DGKD: variants seen among roughly 807,000 people sequenced by gnomAD.
DGKD encodes diacylglycerol kinase delta.
In DGKD, 68 loss-of-function variants were observed where a neutral mutation model predicts 154.4. The observed-to-expected ratio is 0.44, with a 90% CI of 0.36 to 0.54. The LOEUF is 0.54. DGKD is among the 20% of genes least tolerant of loss of function. DGKD has a pLI of 0.00. For missense variants in DGKD, 1,343 were observed against 1,593.6 expected (o/e 0.84, Z 2.68); for synonymous variants, 693 against 638.0 (o/e 1.09, Z -1.30).
intron 1 of DGKD, among the ~76,000 whole-genome samples, chr2:233,378,902 G>A (rs1164526259): frequency 2.0e-5 from 3 of 152,172 alleles, no homozygotes; most frequent in East Asian, 1.9e-4. Context: ...CAAAACAAGC[G>A]CACCTGTAGT....
chr2:233,431,521 C>G (rs1380013562), intron 3 of DGKD, among the ~76,000 whole-genome samples: 1 of 152,102 alleles, frequency 6.6e-6, no homozygotes, highest in Non-Finnish European at 1.5e-5. Context: ...CCCAGAATAG[C>G]CAAAATTCTC....
chr2:233,455,952 A>T (rs76920040), intron 19 of DGKD, among the ~76,000 whole-genome samples: 3,962 of 152,342 alleles, frequency 0.026, 167 homozygotes, highest in African/African-American at 0.091. Flanking sequence ...AGATCATTTA[A>T]AAATCCCTGT....
chr2:233,469,611 G>A lies in DGKD; in HGVS notation c.*151G>A, dbSNP rs931098760. 5 of 649,108 alleles carry A rather than the reference G, an allele frequency of 7.7e-6. No individual in the cohort carries two copies. In the Admixed American group the frequency reaches 1.3e-4, roughly 17 times the overall value. The allele number at this position is 649,108 out of a possible 1,614,324, so 40.2% of individuals were successfully genotyped here. ...TCTCATGGTGCTACTTCCTCTGTCA[G>A]CTACAGAAAGCCTCCGTGACACCGT... On this transcript the variant is annotated 3_prime_UTR_variant, in exon 30 of 30. Coordinates refer to ENST00000264057, the MANE Select transcript of DGKD (RefSeq NM_152879.3).
At chr2:233,384,227 C>T (rs1048243151) in intron 1 of DGKD, among the ~76,000 whole-genome samples, 4 of 152,152 alleles carry the variant, frequency 2.6e-5, no homozygotes, top group Non-Finnish European at 5.9e-5. Flanking sequence ...GTGGCTGCTT[C>T]CTTTATCCTC....
At chr2:233,370,672 C>T (rs1486170065) in intron 1 of DGKD, among the ~76,000 whole-genome samples, 6 of 145,936 alleles carry the variant, frequency 4.1e-5, no homozygotes, top group African/African-American at 1.3e-4. Context: ...TGGGTTGCTT[C>T]TACCTTTTGA....
At chr2:233,462,004 T>G (rs1375146524) in intron 24 of DGKD, among the ~76,000 whole-genome samples, 1 of 152,244 alleles carries the variant, frequency 6.6e-6, no homozygotes, top group Admixed American at 6.5e-5. Context: ...CTGTGGGGAT[T>G]GTGCCTTACT....
intron 24 of DGKD, among the ~76,000 whole-genome samples, chr2:233,461,041 A>C (rs2063617979): frequency 6.7e-6 from 1 of 149,982 alleles, no homozygotes; most frequent in Non-Finnish European, 1.5e-5. Flanking sequence ...AAAAAAGACA[A>C]CTGCTGGGGC....
In DGKD at chr2:233,441,946, G is replaced by A. The variant is rs763327145; in HGVS notation, c.1145G>A (p.Ser382Asn). 6.2e-7 allele frequency: 1 copy of A among 1,613,894 alleles called. No homozygotes were observed. Among genetic ancestry groups the A allele is most frequent in the Non-Finnish European group, 8.5e-7 (1 of 1,179,920 alleles). Residue 382 changes from serine to asparagine, a missense_variant, in exon 10 of 30, where the codon AGT becomes AAT. This residue lies in a region of DGKD where 56 missense variants were observed against 111.1 expected (regional missense o/e 0.50). Coordinates refer to ENST00000264057, the MANE Select transcript of DGKD (RefSeq NM_152879.3). This position sits in a 1 kb window ranked among gnomAD's most constrained non-coding sequence, Gnocchi z 5.6. ...FRILVCGGDG[S>N]VGWVLSEIDS... ...ATTCTGGTTTGTGGCGGGGATGGAA[G>A]TGTTGGCTGGGTCCTCTCCGAAATC...
At position 233,466,179 on chromosome 2, in the gene DGKD, C is replaced by A. The variant is rs916650846; in HGVS notation, c.3307-907C>A. On this transcript the variant is annotated intron_variant, in intron 27 of 29. Transcript: ENST00000264057. The stretch of plus-strand genomic sequence containing the variant: ...TTGAAATGTACTGAGGTGAGACTTG[C>A]CCAATAGGTGGTTTTTGTAAATGTA... Among the ~76,000 whole-genome samples, 6 of 151,080 alleles carry A rather than the reference C, an allele frequency of 4.0e-5. No homozygotes were observed. In the East Asian group the frequency reaches 9.6e-4, roughly 24 times the overall value.
In DGKD at chr2:233,458,355, CG is replaced by C; in HGVS notation, c.2653del (p.Val885SerfsTer18). The C allele has an allele frequency of 6.2e-7, 1 of 1,611,904 alleles. No homozygotes were observed. Among genetic ancestry groups the C allele is most frequent in the Non-Finnish European group, 8.5e-7 (1 of 1,179,906 alleles). On this transcript the variant is annotated frameshift_variant, in exon 22 of 30. Transcript: ENST00000264057. LOFTEE classifies it high-confidence loss of function. This position sits in a 1 kb window ranked among gnomAD's most constrained non-coding sequence, Gnocchi z 6.6. The stretch of plus-strand genomic sequence containing the variant: ...CCGTGTTCGGCAGCATGCAGATGGC[CG>C]TCTCTCGAGTCATCAGGCTACAGCA... ...VAVFGSMQMA[V>X]SRVIRLQHHR...
Position 233,446,707 on chromosome 2 carries a change from T to C in DGKD, c.1335-5T>C, listed in dbSNP as rs1051350759. 1.9e-6 allele frequency: 3 copies of C among 1,613,382 alleles called. No homozygotes were observed. Among genetic ancestry groups the C allele is most frequent in the Admixed American group, 1.7e-5 (1 of 59,978 alleles). On this transcript the variant is annotated splice_polypyrimidine_tract_variant and splice_region_variant and intron_variant, in intron 11 of 29. Coordinates refer to ENST00000264057, the MANE Select transcript of DGKD (RefSeq NM_152879.3). ...CCGCCTGTGCAGCTGACCTTGTGTG[T>C]GCAGGTGGAGCGTCATGGCATACGA... is the stretch of plus-strand genomic sequence containing the variant.
intron 1 of DGKD, among the ~76,000 whole-genome samples, chr2:233,358,311 G>A (rs1258604087): frequency 6.6e-6 from 1 of 152,200 alleles, no homozygotes; most frequent in Non-Finnish European, 1.5e-5. Flanking sequence ...TTTCTAGAAA[G>A]TTAACATTTT....
chr2:233,386,889 C>G (rs144445264), intron 1 of DGKD, among the ~76,000 whole-genome samples: 1 of 152,290 alleles, frequency 6.6e-6, no homozygotes, highest in East Asian at 1.9e-4. Flanking sequence ...TCCCCCCAAC[C>G]CAGGAAGGGC....
chr2:233,436,063 T>A, intron 6 of DGKD, 139 bp downstream of exon 6: 1 of 1,066,916 alleles, frequency 9.4e-7, no homozygotes, highest in Non-Finnish European at 1.3e-6. Flanking sequence ...ACAGTGGAAA[T>A]TATATGCGGT....
intron 16 of DGKD, 53 bp downstream of exon 16, chr2:233,450,184 A>C: frequency 6.5e-7 from 1 of 1,529,014 alleles, no homozygotes; most frequent in Non-Finnish European, 8.8e-7. Context: ...GGTTTTGGTG[A>C]GACGTAGCGG....
chr2:233,420,435 C>T (rs532412237), intron 3 of DGKD, among the ~76,000 whole-genome samples: 1 of 152,338 alleles, frequency 6.6e-6, no homozygotes, highest in South Asian at 2.1e-4. Flanking sequence ...AACAGAGGCA[C>T]TTGGAATTCT....
intron 10 of DGKD, among the ~76,000 whole-genome samples, chr2:233,444,562 G>C (rs905449396): frequency 6.6e-6 from 1 of 150,638 alleles, no homozygotes; most frequent in Non-Finnish European, 1.5e-5. Context: ...CCTGCTGTGC[G>C]CTGCTCTCCT....
chr2:233,364,793 G>A (rs1701945818), intron 1 of DGKD, among the ~76,000 whole-genome samples: 1 of 152,168 alleles, frequency 6.6e-6, no homozygotes, highest in African/African-American at 2.4e-5. Context: ...TTAAATCTAG[G>A]TGGACTTAAA....
Position 233,448,347 on chromosome 2 carries a change from CGGA to C in DGKD, c.1591_1593del (p.Glu531del). The C allele has an allele frequency of 1.9e-6, 3 of 1,614,014 alleles. No homozygotes were observed. In the South Asian group the frequency reaches 3.3e-5, roughly 18 times the overall value. On this transcript the variant is annotated inframe_deletion, in exon 14 of 30. Coordinates refer to ENST00000264057, the MANE Select transcript of DGKD (RefSeq NM_152879.3). ...GCCTATGAGAAGACGACCGAGAGCT[CGGA>C]GGAGTCAGAGGTCATGGCCAAGAAG...
Sources: allele counts gnomAD v4.1 joint callset (sites outside exome capture counted in the v4.1 genomes callset), GRCh38; gene constraint gnomAD v4.1.1; regional missense constraint gnomAD v4.1.1; non-coding constraint Gnocchi (gnomAD v3.1); transcripts MANE v1.5; gene names NCBI Gene and HGNC (gene_info 2026-07-23, HGNC 2026-07-21).